The following GRID2 variants were observed in gnomAD, a reference collection of about 807,000 sequenced individuals.
GRID2 encodes glutamate ionotropic receptor delta type subunit 2, also known as glutamate receptor ionotropic, delta-2.
In GRID2, 33 loss-of-function variants were observed where a neutral mutation model predicts 114.8. That is an observed-to-expected ratio of 0.29 (90% CI 0.22 to 0.38). The LOEUF (loss-of-function observed/expected upper bound fraction) is 0.38. Ranked by LOEUF, GRID2 falls within the 10% of genes least tolerant of loss-of-function variation. GRID2 has a pLI of 1.00. For synonymous variants in GRID2, 505 were observed against 449.9 expected, an observed-to-expected ratio of 1.12 and a Z score of -1.55; for missense variants, 1,184 against 1,257.7, an observed-to-expected ratio of 0.94 and a Z score of 0.89.
intron 14 of GRID2, among the ~76,000 whole-genome samples, chr4:93,630,832 A>C (rs1363396275): frequency 1.3e-5 from 2 of 152,198 alleles, no homozygotes; most frequent in East Asian, 3.8e-4. Flanking sequence ...AATTGGAAAA[A>C]ATTCAAAATT....
chr4:92,689,450 T>TTAGG (rs1328591086), intron 2 of GRID2, among the ~76,000 whole-genome samples: 2 of 152,168 alleles, frequency 1.3e-5, no homozygotes. Context: ...ACGGGGCCAG[T>TTAGG]TAGGAACTCG....
At chr4:93,328,386 C>T (rs936590001) in intron 8 of GRID2, among the ~76,000 whole-genome samples, 1 of 152,110 alleles carries the variant, frequency 6.6e-6, no homozygotes, top group Non-Finnish European at 1.5e-5. Context: ...TCCATTTCAT[C>T]TGGGATACTC....
At chr4:93,631,406 C>T (rs925641999) in intron 14 of GRID2, among the ~76,000 whole-genome samples, 8 of 152,144 alleles carry the variant, frequency 5.3e-5, no homozygotes, top group African/African-American at 1.9e-4. Flanking sequence ...TGATGCTCCC[C>T]TTCCCGTGTC....
At chr4:92,949,517 C>T (rs1006624431) in intron 2 of GRID2, among the ~76,000 whole-genome samples, 4 of 151,386 alleles carry the variant, frequency 2.6e-5, no homozygotes, top group East Asian at 1.9e-4. Flanking sequence ...TGTCTTCTAG[C>T]GGTAGAATTG....
intron 2 of GRID2, among the ~76,000 whole-genome samples, chr4:92,832,584 G>T (rs1477680131): frequency 6.6e-6 from 1 of 152,032 alleles, no homozygotes; most frequent in Non-Finnish European, 1.5e-5. Flanking sequence ...AGTAGAGACG[G>T]GGTTTCACCA....
chr4:92,512,344 T>C (rs1579495275), intron 1 of GRID2, among the ~76,000 whole-genome samples: 1 of 151,910 alleles, frequency 6.6e-6, no homozygotes, highest in East Asian at 1.9e-4. Flanking sequence ...GTTGTATAAA[T>C]ATTCATTCAT....
In GRID2 at chr4:93,332,037, A is replaced by G. The variant is rs1308880381; in HGVS notation, c.1246-63570A>G. On this transcript the variant is annotated intron_variant, in intron 8 of 15. Transcript: ENST00000282020. Reference sequence around the variant, plus strand: ...GAAAGCTAATTGGTCTACATATAGCATCTAACTTAAACTGAGAAATATAAG... The same window carrying G: ...GAAAGCTAATTGGTCTACATATAGCGTCTAACTTAAACTGAGAAATATAAG... Among the ~76,000 whole-genome samples the G allele has an allele frequency of 2.0e-5, 3 of 152,112 alleles. No individual in the cohort carries two copies. The East Asian group carries it at 5.8e-4, about 29-fold the overall frequency.
intron 8 of GRID2, among the ~76,000 whole-genome samples, chr4:93,326,557 C>T (rs1180899880): frequency 6.6e-6 from 1 of 151,524 alleles, no homozygotes; most frequent in Admixed American, 6.6e-5. Context: ...GGGGAGTAAA[C>T]TGAATGTTGA....
chr4:93,242,975 T>C (rs1747718796), intron 8 of GRID2, among the ~76,000 whole-genome samples: 1 of 152,048 alleles, frequency 6.6e-6, no homozygotes, highest in South Asian at 2.1e-4. Context: ...TGTAATTATT[T>C]CATTTTTTAT....
At chr4:92,355,121 A>G (rs1728255476) in intron 1 of GRID2, among the ~76,000 whole-genome samples, 1 of 151,836 alleles carries the variant, frequency 6.6e-6, no homozygotes, top group Non-Finnish European at 1.5e-5. Flanking sequence ...GTTTTTTGAA[A>G]TGTATTTGTT....
At chr4:92,857,376 G>T (rs1744247130) in intron 2 of GRID2, among the ~76,000 whole-genome samples, 1 of 152,112 alleles carries the variant, frequency 6.6e-6, no homozygotes, top group Non-Finnish European at 1.5e-5. Flanking sequence ...GGGTGTGTTG[G>T]TGTGTTCTTA....
chr4:93,544,695 T>C (rs985302819), intron 13 of GRID2, among the ~76,000 whole-genome samples: 1 of 150,750 alleles, frequency 6.6e-6, no homozygotes, highest in African/African-American at 2.4e-5. Flanking sequence ...GATAATTGCT[T>C]GAACTCGGGA....
chr4:92,449,864 C>T (rs954180773), intron 1 of GRID2, among the ~76,000 whole-genome samples: 1 of 151,378 alleles, frequency 6.6e-6, no homozygotes, highest in Non-Finnish European at 1.5e-5. Flanking sequence ...AAAGTTGGCT[C>T]CTTCTGGAAA....
At chr4:93,251,182 T>C (rs1379615901) in intron 8 of GRID2, among the ~76,000 whole-genome samples, 3 of 152,198 alleles carry the variant, frequency 2.0e-5, no homozygotes. Context: ...GATAGTTCTG[T>C]ATTTAAATGT....
At position 93,760,219 on chromosome 4, in the gene GRID2, C is replaced by G. The variant is rs575923219; in HGVS notation, c.2361-8991C>G. 4.5e-4 allele frequency among the ~76,000 whole-genome samples: 68 copies of G among 152,206 alleles called. 1 individual carries two copies. The highest frequency in any genetic ancestry group is 1.5e-3 in the African/African-American group (64 of 41,512). ...AATAATATGCACTGTTTTGAAAAGG[C>G]CTTTATAAACTGCAGCATCATGCAT... On this transcript the variant is annotated intron_variant, in intron 14 of 15. Coordinates refer to ENST00000282020, the MANE Select transcript of GRID2 (RefSeq NM_001510.4).
intron 8 of GRID2, among the ~76,000 whole-genome samples, chr4:93,266,391 C>T (rs1750831517): frequency 6.6e-6 from 1 of 152,066 alleles, no homozygotes; most frequent in South Asian, 2.1e-4. Context: ...TATAAGCCAC[C>T]TGTGTTGTTT....
At chr4:92,399,336 C>G (rs914352445) in intron 1 of GRID2, among the ~76,000 whole-genome samples, 1 of 152,130 alleles carries the variant, frequency 6.6e-6, no homozygotes, top group East Asian at 1.9e-4. Context: ...ATTCCTCAAG[C>G]AGTTCCCGTC....
intron 13 of GRID2, among the ~76,000 whole-genome samples, chr4:93,625,701 G>T (rs1366927813): frequency 6.6e-6 from 1 of 152,096 alleles, no homozygotes; most frequent in Non-Finnish European, 1.5e-5. Context: ...GGATTACGAG[G>T]TCAGGAGATT....
chr4:93,726,936 G>C (rs1194685494), intron 14 of GRID2, among the ~76,000 whole-genome samples: 2 of 152,198 alleles, frequency 1.3e-5, no homozygotes, highest in African/African-American at 4.8e-5. Flanking sequence ...TGCAAACAGG[G>C]ACAATTTGAC....
Sources: allele counts gnomAD v4.1 joint callset (sites outside exome capture counted in the v4.1 genomes callset), GRCh38; gene constraint gnomAD v4.1.1; transcripts MANE v1.5; gene names NCBI Gene and HGNC (gene_info 2026-07-23, HGNC 2026-07-21).